The following SPATA31H1 variants were observed in gnomAD, a reference collection of about 807,000 sequenced individuals.
The protein encoded by SPATA31H1 is spermatogenesis-associated protein 31H1.
At chr2:27,539,749 A>ACC in the SPATA31H1 span, among the ~76,000 whole-genome samples, 23 of 31,050 alleles carry the variant, frequency 7.4e-4, 1 homozygote, top group African/African-American at 3.5e-3. Flanking sequence ...CGGGGGGCTG[A>ACC]CCCCCCCCGC....
the SPATA31H1 span, chr2:27,581,064 C>T: frequency 6.2e-7 from 1 of 1,614,134 alleles, no homozygotes; most frequent in Non-Finnish European, 8.5e-7. Flanking sequence ...AACCTCCAGC[C>T]AGGAGTCTAA....
At chr2:27,548,919 A>C in the SPATA31H1 span, among the ~76,000 whole-genome samples, 1 of 150,942 alleles carries the variant, frequency 6.6e-6, no homozygotes, top group Non-Finnish European at 1.5e-5. Context: ...CTAAAAATAC[A>C]AAAAATTTGC....
chr2:27,574,904 C>T, the SPATA31H1 span: 1 of 398,450 alleles, frequency 2.5e-6, no homozygotes, highest in South Asian at 1.3e-4. Flanking sequence ...CTGAAGTGAT[C>T]CCAGCGACAA....
chr2:27,557,887 G>A, the SPATA31H1 span, among the ~76,000 whole-genome samples: 1 of 23,666 alleles, frequency 4.2e-5, no homozygotes, highest in African/African-American at 1.6e-4. Context: ...CCCCCCTCCC[G>A]GACGGGGCGG....
chr2:27,573,086 C>G, the SPATA31H1 span: 1 of 396,582 alleles, frequency 2.5e-6, no homozygotes, highest in Admixed American at 4.5e-5. Context: ...CTCGAGGTGT[C>G]AAGCCTGCAG....
chr2:27,547,979 C>CTTTTTTT, the SPATA31H1 span, among the ~76,000 whole-genome samples: 2 of 113,252 alleles, frequency 1.8e-5, no homozygotes, highest in Non-Finnish European at 3.5e-5. Flanking sequence ...ATAGTAATTT[C>CTTTTTTT]TTTTTTTTTT....
the SPATA31H1 span, chr2:27,568,678 C>T: frequency 1.3e-5 from 5 of 398,894 alleles, no homozygotes; most frequent in Admixed American, 4.4e-5. Flanking sequence ...ACAAAATCTG[C>T]GGAGTTGGCC....
At chr2:27,540,115 G>A in the SPATA31H1 span, among the ~76,000 whole-genome samples, 3 of 104,528 alleles carry the variant, frequency 2.9e-5, no homozygotes, top group Admixed American at 2.8e-4. Flanking sequence ...CTCACCTCCC[G>A]GACGGGGCGG....
chr2:27,549,863 C>G, the SPATA31H1 span, among the ~76,000 whole-genome samples: 1 of 151,848 alleles, frequency 6.6e-6, no homozygotes, highest in Non-Finnish European at 1.5e-5. Context: ...CACTATATTG[C>G]CCAGGCTGGT....
chr2:27,566,649 G>T, the SPATA31H1 span: 1 of 566,262 alleles, frequency 1.8e-6, no homozygotes, highest in Non-Finnish European at 3.2e-6. Context: ...TTCTCCTTCA[G>T]GCCAAAAATA....
chr2:27,559,739 C>G, the SPATA31H1 span, among the ~76,000 whole-genome samples: 15 of 152,220 alleles, frequency 9.9e-5, no homozygotes, highest in African/African-American at 3.6e-4. Context: ...GTAAGCCCAT[C>G]CATTTCAGTA....
chr2:27,573,148 T>C, the SPATA31H1 span: 1 of 398,282 alleles, frequency 2.5e-6, no homozygotes. Context: ...GAATTGACTC[T>C]AGGGCCAAAA....
the SPATA31H1 span, chr2:27,569,496 A>G: frequency 2.5e-6 from 1 of 398,968 alleles, no homozygotes; most frequent in East Asian, 3.6e-5. Context: ...TTTGAAATCT[A>G]TGGAGTTAAC....
At chr2:27,545,808 C>T in the SPATA31H1 span, among the ~76,000 whole-genome samples, 82 of 151,732 alleles carry the variant, frequency 5.4e-4, 2 homozygotes, top group African/African-American at 1.7e-3. Flanking sequence ...GGTGATCTGC[C>T]CCCCTCGGTC....
chr2:27,580,958 T>G, the SPATA31H1 span: 1 of 1,614,138 alleles, frequency 6.2e-7, no homozygotes, highest in South Asian at 1.1e-5. Context: ...ATTCCCAAAG[T>G]GGTATTGCTT....
the SPATA31H1 span, chr2:27,569,259 CATG>C: frequency 2.5e-6 from 1 of 398,988 alleles, no homozygotes; most frequent in East Asian, 3.6e-5. Flanking sequence ...GCCACAGCCC[CATG>C]ATATGAAGTT....
the SPATA31H1 span, chr2:27,580,002 C>T: frequency 1.9e-6 from 3 of 1,614,194 alleles, no homozygotes; most frequent in Non-Finnish European, 2.5e-6. Flanking sequence ...GGGGCCTTAT[C>T]TTCTTATCTA....
chr2:27,564,006 G>A, the SPATA31H1 span, among the ~76,000 whole-genome samples: 2 of 152,300 alleles, frequency 1.3e-5, no homozygotes, highest in East Asian at 3.9e-4. Flanking sequence ...ATGAGCCACT[G>A]CATCTGACCA....
chr2:27,578,900 G>A, the SPATA31H1 span: 3 of 1,614,050 alleles, frequency 1.9e-6, no homozygotes, highest in Middle Eastern at 1.6e-4. Context: ...ATATTTTGCA[G>A]CCTGAAGAGA....
Sources: allele counts gnomAD v4.1 joint callset (sites outside exome capture counted in the v4.1 genomes callset), GRCh38; gene constraint gnomAD v4.1.1; transcripts MANE v1.5; gene names NCBI Gene and HGNC (gene_info 2026-07-23, HGNC 2026-07-21).